The following NDRG4 variants were observed in gnomAD, a reference collection of about 807,000 sequenced individuals.
NDRG4 encodes protein NDRG4.
In NDRG4, 38 loss-of-function variants were observed where a neutral mutation model predicts 55.8. The ratio of observed to expected loss-of-function variants is 0.68; its 90% CI spans 0.53 to 0.89. NDRG4 has a LOEUF of 0.89. Among genes scored for constraint, NDRG4 ranks in the 40% least tolerant of loss-of-function variants. NDRG4 has a pLI of 0.00. For missense variants in NDRG4, 455 were observed against 468.6 expected (o/e 0.97, Z 0.27); for synonymous variants, 190 against 182.7 (o/e 1.04, Z -0.32).
At chr16:58,500,482 A>C in intron 1 of NDRG4, 1 of 366,386 alleles carries the variant, frequency 2.7e-6, no homozygotes, top group Non-Finnish European at 4.8e-6. Flanking sequence ...TGCTAGTCAG[A>C]GCCCATAGCA....
chr16:58,465,012 GGA>G, intron 1 of NDRG4: 1 of 1,238,734 alleles, frequency 8.1e-7, no homozygotes, highest in Non-Finnish European at 1.0e-6. Flanking sequence ...TTGCCCTGCT[GGA>G]AACTCACATC....
At position 58,464,506 on chromosome 16, in the gene NDRG4, G is replaced by T; in HGVS notation, c.-24+709G>T. The T allele has an allele frequency of 7.7e-7, 1 of 1,301,866 alleles. No homozygotes were observed. The highest frequency in any genetic ancestry group is 2.3e-5 in the South Asian group (1 of 43,620). 80.6% of individuals were successfully genotyped at this position (1,301,866 alleles called of 1,614,324 possible). On this transcript the variant is annotated intron_variant, in intron 1 of 15. Transcript: ENST00000258187. The surrounding 1 kb of genome is among the most constrained non-coding windows in gnomAD (Gnocchi z 4.8). ...GCCCCGCAGCCGGCCGCCACTTTCC[G>T]AGTTGGAGCGGACTCCGGGCGCGGC...
rs17821543 is a variant in NDRG4 at position 58,506,971 on chromosome 16, G to A, written c.576G>A (p.Val192=). ...VQSYRQQIGN[V]VNQANLQLFW... is the part of the protein sequence containing the mutation. Reference sequence around the variant, plus strand: ...GCTACCGGCAGCAGATTGGGAACGTGGTGAACCAGGCCAACCTGCAGCTCT... The same window carrying A: ...GCTACCGGCAGCAGATTGGGAACGTAGTGAACCAGGCCAACCTGCAGCTCT... The change falls in exon 8 of 15, where the codon GTG becomes GTA. Residue 192 remains valine, a synonymous_variant. Transcript: ENST00000570248. 104,186 of 1,613,896 alleles carry A rather than the reference G, an allele frequency of 0.065. 3,829 individuals carry two copies. Among genetic ancestry groups the A allele is most frequent in the Middle Eastern group, 0.1 (635 of 6,060 alleles).
At position 58,464,401 on chromosome 16, in the gene NDRG4, AC is replaced by A. The variant is rs1205902085; in HGVS notation, c.-24+607del. 2 of 1,370,116 alleles carry A rather than the reference AC, an allele frequency of 1.5e-6. No individual in the cohort carries two copies. The allele number at this position is 1,370,116 out of a possible 1,614,324, so 84.9% of individuals were successfully genotyped here. ...CCGAGCGCGCTGCCCCGACGCCGCCACCCAGAGCCGGGCCGCGCCGGGCGCC... is the reference window on the plus strand; with the variant it reads ...CCGAGCGCGCTGCCCCGACGCCGCCACCAGAGCCGGGCCGCGCCGGGCGCC... On this transcript the variant is annotated intron_variant, in intron 1 of 15. Transcript: ENST00000258187. The surrounding 1 kb of genome is among the most constrained non-coding windows in gnomAD (Gnocchi z 4.8).
Position 58,484,632 on chromosome 16 carries a change from C to T in NDRG4, c.-23-3124C>T, listed in dbSNP as rs549808628. On this transcript the variant is annotated intron_variant, in intron 1 of 15. Transcript: ENST00000258187. ...GCCCAGGCCCAGGTCCCTGCACACG[C>T]GTCTCCTGGGAGAGCTCTTGTCTGC... 5.3e-5 allele frequency among the ~76,000 whole-genome samples: 8 copies of T among 152,318 alleles called. 2 individuals carry two copies. The highest frequency in any genetic ancestry group is 2.1e-4 in the South Asian group (1 of 4,832).
intron 2 of NDRG4, chr16:58,494,940 C>A (rs2036228196): frequency 6.2e-7 from 1 of 1,613,026 alleles, no homozygotes; most frequent in East Asian, 2.2e-5. Context: ...TAACTTGCCA[C>A]CCCCTCTGTT....
At chr16:58,508,634 C>T (rs1356307401) in intron 10 of NDRG4, among the ~76,000 whole-genome samples, 1 of 152,210 alleles carries the variant, frequency 6.6e-6, no homozygotes, top group East Asian at 1.9e-4. Context: ...AGACCCTCGG[C>T]ACCCCTCACC....
intron 1 of NDRG4, among the ~76,000 whole-genome samples, chr16:58,470,695 T>C (rs1281041480): frequency 6.6e-6 from 1 of 151,812 alleles, no homozygotes; most frequent in Non-Finnish European, 1.5e-5. Flanking sequence ...TCACCTGAGG[T>C]CAGGAGTTCA....
chr16:58,485,759 G>C (rs562733250), intron 1 of NDRG4, among the ~76,000 whole-genome samples: 8 of 152,156 alleles, frequency 5.3e-5, no homozygotes, highest in Non-Finnish European at 1.2e-4. Context: ...AGCATGGCAC[G>C]TGCACAGGGA....
chr16:58,476,866 T>A (rs1275848275), intron 1 of NDRG4, among the ~76,000 whole-genome samples: 1 of 152,180 alleles, frequency 6.6e-6, no homozygotes, highest in Non-Finnish European at 1.5e-5. Flanking sequence ...GGATCTAATA[T>A]ATTCTAAAAG....
intron 1 of NDRG4, among the ~76,000 whole-genome samples, chr16:58,473,482 T>C (rs1272723025): frequency 1.3e-5 from 2 of 152,092 alleles, no homozygotes; most frequent in Non-Finnish European, 2.9e-5. Flanking sequence ...AACTCTTACA[T>C]CCACCTGCCC....
intron 1 of NDRG4, among the ~76,000 whole-genome samples, chr16:58,482,653 T>TCCA (rs2151642744): frequency 1.1e-5 from 1 of 91,304 alleles, no homozygotes; most frequent in African/African-American, 3.1e-5. Context: ...CTTCTCTCTT[T>TCCA]TCTCTCTTTC....
intron 13 of NDRG4, among the ~76,000 whole-genome samples, chr16:58,510,224 G>A (rs2038623910): frequency 6.6e-6 from 1 of 152,200 alleles, no homozygotes. Flanking sequence ...CACAGAGTCT[G>A]GAATCAGGGC....
At position 58,503,311 on chromosome 16, in the gene NDRG4, CA is replaced by C. The variant is rs576786771; in HGVS notation, c.22-486del. Reference sequence around the variant, plus strand: ...TGCGCAAGAGCCTTAGAGTGGGAGCCAGGGGCAGTGCCGGGGTCGGGGCTAG... The same window carrying C: ...TGCGCAAGAGCCTTAGAGTGGGAGCCGGGGCAGTGCCGGGGTCGGGGCTAG... On this transcript the variant is annotated intron_variant, in intron 1 of 14. Coordinates refer to ENST00000570248, the MANE Select transcript of NDRG4 (RefSeq NM_001242835.2). 2.1e-3 allele frequency among the ~76,000 whole-genome samples: 321 copies of C among 152,148 alleles called. 1 individual carries two copies. The highest frequency in any genetic ancestry group is 3.5e-3 in the Non-Finnish European group (241 of 67,992).
chr16:58,511,826 G>A lies in NDRG4; in HGVS notation c.*250G>A, dbSNP rs146171823. 6.3e-5 allele frequency: 35 copies of A among 553,264 alleles called. No homozygotes were observed. The highest frequency in any genetic ancestry group is 4.8e-4 in the African/African-American group (26 of 53,656). 34.3% of individuals were successfully genotyped at this position (553,264 alleles called of 1,614,324 possible). On this transcript the variant is annotated 3_prime_UTR_variant, in exon 15 of 15. Coordinates refer to ENST00000570248, the MANE Select transcript of NDRG4 (RefSeq NM_001242835.2). ...TGACCCCTCTCATCCCACTCCCGGC[G>A]GCCCAGGCACAGAAGGGCAGGGCCA...
intron 5 of NDRG4, among the ~76,000 whole-genome samples, chr16:58,505,711 TTC>T (rs60602393): frequency 0.13 from 14,991 of 119,674 alleles, 2,405 homozygotes; most frequent in East Asian, 0.19. Context: ...GGGCTTCATT[TTC>T]TTTTTTTTTT....
chr16:58,487,311 A>G (rs1010787281), intron 1 of NDRG4, among the ~76,000 whole-genome samples: 2 of 152,208 alleles, frequency 1.3e-5, no homozygotes, highest in Non-Finnish European at 2.9e-5. Context: ...ACTTGAGGTC[A>G]GGAGTTTGAG....
At chr16:58,494,982 C>G (rs2036235753) in exon 3 of NDRG4, 1 of 1,613,752 alleles carries the variant, frequency 6.2e-7, no homozygotes, top group Non-Finnish European at 8.5e-7. Flanking sequence ...CGATGCCTTC[C>G]TCTTGGCTGC....
chr16:58,479,717 A>C (rs917638946), intron 1 of NDRG4, among the ~76,000 whole-genome samples: 1 of 152,210 alleles, frequency 6.6e-6, no homozygotes, highest in Non-Finnish European at 1.5e-5. Context: ...TGTGCCCAGC[A>C]CTGTCATAGA....
Sources: allele counts gnomAD v4.1 joint callset (sites outside exome capture counted in the v4.1 genomes callset), GRCh38; gene constraint gnomAD v4.1.1; non-coding constraint Gnocchi (gnomAD v3.1); transcripts MANE v1.5; gene names NCBI Gene and HGNC (gene_info 2026-07-23, HGNC 2026-07-21).